CADPS2: variants seen among roughly 807,000 people sequenced by gnomAD.
CADPS2 encodes calcium-dependent secretion activator 2.
In CADPS2, 93 loss-of-function variants were observed where a neutral mutation model predicts 172.5. The observed-to-expected ratio is 0.54, with a 90% confidence interval of 0.46 to 0.64. The LOEUF is 0.64. Ranked by LOEUF, CADPS2 falls within the 30% of genes least tolerant of loss-of-function variation. CADPS2 has a pLI of 0.00. For missense variants in CADPS2, 1,420 were observed against 1,565.9 expected, an observed-to-expected ratio of 0.91 and a Z score of 1.57; for synonymous variants, 546 against 555.2, an observed-to-expected ratio of 0.98 and a Z score of 0.23.
chr7:122,471,566 C>CAAAAA lies in CADPS2; in HGVS notation c.1999-5_1999-4insTTTTT, dbSNP rs1426189338. ...CTTGGCCAGGGCTAAACCATCCCTG[C>CAAAAA]AAAATAAAAAAAGAATAGATATACA... On this transcript the variant is annotated splice_polypyrimidine_tract_variant and splice_region_variant and intron_variant, in intron 13 of 29. Coordinates refer to ENST00000449022, the MANE Select transcript of CADPS2 (RefSeq NM_017954.11). 3 of 1,552,986 alleles carry CAAAAA rather than the reference C, an allele frequency of 1.9e-6. No homozygotes were observed. Among genetic ancestry groups the CAAAAA allele is most frequent in the Admixed American group, 4.2e-5 (2 of 47,476 alleles).
chr7:122,439,171 T>C (rs1042443709), intron 16 of CADPS2, among the ~76,000 whole-genome samples: 3 of 152,140 alleles, frequency 2.0e-5, no homozygotes, highest in African/African-American at 4.8e-5. Flanking sequence ...AAAATGTTAT[T>C]ACTGGGCAAG....
At chr7:122,698,448 G>A in intron 2 of CADPS2, 5 of 1,613,952 alleles carry the variant, frequency 3.1e-6, no homozygotes, top group Non-Finnish European at 4.2e-6. Flanking sequence ...TGCCTTTTAA[G>A]TTACCAATCA....
intron 8 of CADPS2, among the ~76,000 whole-genome samples, chr7:122,545,333 T>C (rs1363419959): frequency 6.6e-6 from 1 of 152,150 alleles, no homozygotes; most frequent in Non-Finnish European, 1.5e-5. Context: ...AGAAAATGTG[T>C]AACCTGGTAC....
At chr7:122,794,212 T>C (rs1166349525) in intron 1 of CADPS2, among the ~76,000 whole-genome samples, 4 of 152,054 alleles carry the variant, frequency 2.6e-5, no homozygotes, top group African/African-American at 7.2e-5. Context: ...GTTGATACCA[T>C]TCTCCCTATC....
At chr7:122,860,192 G>A (rs923783474) in intron 1 of CADPS2, among the ~76,000 whole-genome samples, 11 of 152,046 alleles carry the variant, frequency 7.2e-5, no homozygotes, top group African/African-American at 2.7e-4. Context: ...TTGGAAGGAT[G>A]TGCTCCTATC....
At chr7:122,530,000 A>G (rs1356715495) in intron 8 of CADPS2, among the ~76,000 whole-genome samples, 1 of 152,110 alleles carries the variant, frequency 6.6e-6, no homozygotes, top group South Asian at 2.1e-4. Context: ...TTTAGACTCT[A>G]TAAGACATAT....
intron 1 of CADPS2, among the ~76,000 whole-genome samples, chr7:122,826,682 C>A (rs140440934): frequency 2.0e-5 from 3 of 151,742 alleles, no homozygotes; most frequent in Admixed American, 6.6e-5. Context: ...AATAAAAATG[C>A]ATTGGTTGGA....
At chr7:122,482,108 A>C (rs1475167403) in intron 11 of CADPS2, among the ~76,000 whole-genome samples, 1 of 151,434 alleles carries the variant, frequency 6.6e-6, no homozygotes, top group Non-Finnish European at 1.5e-5. Flanking sequence ...CATTATGTGC[A>C]AGCAACAATA....
At chr7:122,579,397 G>T (rs1166596759) in intron 7 of CADPS2, among the ~76,000 whole-genome samples, 4 of 149,154 alleles carry the variant, frequency 2.7e-5, no homozygotes, top group Non-Finnish European at 5.9e-5. Flanking sequence ...TGTCTTTCTA[G>T]TATGAAGAGA....
intron 5 of CADPS2, among the ~76,000 whole-genome samples, chr7:122,617,591 T>C (rs1049034095): frequency 4.6e-5 from 7 of 152,082 alleles, no homozygotes; most frequent in African/African-American, 1.4e-4. Flanking sequence ...TTCTTCCAAG[T>C]GAAACACTGA....
Position 122,320,070 on chromosome 7 carries a change from A to C in CADPS2, c.*95T>G. 1 of 1,236,250 alleles carries C rather than the reference A, an allele frequency of 8.1e-7. No homozygotes were observed. The highest frequency in any genetic ancestry group is 2.8e-5 in the South Asian group (1 of 36,192). The allele number at this position is 1,236,250 out of a possible 1,614,324, so 76.6% of individuals were successfully genotyped here. A position where few individuals can be genotyped will look rare whatever the true frequency, so the allele number is the denominator to read the frequency against. On this transcript the variant is annotated 3_prime_UTR_variant, in exon 30 of 30. Transcript: ENST00000449022. ...GAAATACAAGCATTTTTATTTGGCCAAAACAAACAATGAATGTAATTACAA... is the reference window on the plus strand; with the variant it reads ...GAAATACAAGCATTTTTATTTGGCCCAAACAAACAATGAATGTAATTACAA...
chr7:122,444,962 A>T (rs1428571042), intron 15 of CADPS2, among the ~76,000 whole-genome samples: 3 of 152,198 alleles, frequency 2.0e-5, no homozygotes, highest in Non-Finnish European at 4.4e-5. Context: ...TGAGGTCAAT[A>T]GTTTGCATTT....
chr7:122,363,025 G>C (rs1207775481), intron 25 of CADPS2, among the ~76,000 whole-genome samples: 2 of 150,608 alleles, frequency 1.3e-5, no homozygotes, highest in Admixed American at 6.6e-5. Flanking sequence ...AGGATGCCTA[G>C]GGAAAAAAAA....
Position 122,490,110 on chromosome 7 carries a change from C to T in CADPS2, c.1823G>A (p.Gly608Glu), listed in dbSNP as rs371443642. 1.2e-6 allele frequency: 2 copies of T among 1,613,224 alleles called. No individual in the cohort carries two copies. Among genetic ancestry groups the T allele is most frequent in the African/African-American group, 2.7e-5 (2 of 74,876 alleles). ...AIQTQKLNPKGGTLHADAQLS... is the reference protein window; with the variant it reads ...AIQTQKLNPKEGTLHADAQLS... Reference sequence around the variant, plus strand: ...CTGAGCATCTGCATGGAGAGTTCCTCCTTTAGGATTCAGTTTCTGGGTTTG... The same window carrying T: ...CTGAGCATCTGCATGGAGAGTTCCTTCTTTAGGATTCAGTTTCTGGGTTTG... The change falls in exon 11 of 30, where the codon GGA becomes GAA. Residue 608 changes from glycine (G) to glutamate (E), a missense_variant. Gly to Glu is a moderately conservative substitution (Grantham distance 98). Transcript: ENST00000449022.
intron 28 of CADPS2, chr7:122,331,227 G>A (rs926621170): frequency 6.6e-6 from 1 of 152,004 alleles, no homozygotes; most frequent in Non-Finnish European, 1.5e-5. Flanking sequence ...AAAGTATACT[G>A]AGGAATGAGA....
In CADPS2 at chr7:122,393,467, A is replaced by G. The variant is rs771432724; in HGVS notation, c.2862T>C (p.Phe954=). 5.6e-6 allele frequency: 9 copies of G among 1,613,796 alleles called. No individual in the cohort carries two copies. Among genetic ancestry groups the G allele is most frequent in the African/African-American group, 1.3e-5 (1 of 74,906 alleles). Residue 954 remains phenylalanine (F), a synonymous_variant, in exon 21 of 30, where the codon TTT becomes TTC. Coordinates refer to ENST00000449022, the MANE Select transcript of CADPS2 (RefSeq NM_017954.11). ...SSIAQSIHRG[F]EQETWQPVKN... ...TGACAGGCTGCCATGTCTCCTGCTC[A>G]AAACCTCTGTGAATTGACTGGGCGA...
At chr7:122,871,239 A>T (rs537142658) in intron 1 of CADPS2, among the ~76,000 whole-genome samples, 5 of 152,044 alleles carry the variant, frequency 3.3e-5, no homozygotes, top group African/African-American at 1.2e-4. Context: ...TATGTATTCC[A>T]GCATTTTCAC....
chr7:122,345,319 G>T (rs2037409365), intron 28 of CADPS2, among the ~76,000 whole-genome samples: 1 of 152,056 alleles, frequency 6.6e-6, no homozygotes, highest in Middle Eastern at 3.4e-3. Flanking sequence ...TGTATTTTTA[G>T]TAGAGACGGG....
intron 1 of CADPS2, among the ~76,000 whole-genome samples, chr7:122,836,804 CTT>C (rs1255437448): frequency 6.6e-6 from 1 of 152,160 alleles, no homozygotes. Context: ...TACAGAGAGA[CTT>C]AGACTCTCAC....
Sources: gnomAD v4.1 joint callset for allele counts (sites outside exome capture counted in the v4.1 genomes callset) on GRCh38, gnomAD v4.1.1 for gene constraint, MANE v1.5 for transcripts, NCBI Gene and HGNC (gene_info 2026-07-23, HGNC 2026-07-21) for gene names.